SELENBP1: variants seen among roughly 807,000 people sequenced by gnomAD.
SELENBP1 encodes methanethiol oxidase.
SELENBP1 carries 71 observed loss-of-function variants against 61.0 expected under a neutral mutation model. That is an observed-to-expected ratio of 1.16 (90% CI 0.96 to 1.42). The LOEUF (loss-of-function observed/expected upper bound fraction) is 1.42, where lower values mean the gene tolerates loss of function less well. Among genes scored for constraint, SELENBP1 ranks in the 40% most tolerant of loss-of-function variants. The pLI is 0.00. For missense variants in SELENBP1, 561 were observed against 605.0 expected (o/e 0.93, Z 0.76); for synonymous variants, 270 against 238.9 (o/e 1.13, Z -1.20).
At chr1:151,365,924 G>C in intron 7 of SELENBP1, 78 bp from the exon 8 acceptor site, 1 of 1,498,736 alleles carries the variant, frequency 6.7e-7, no homozygotes, top group Non-Finnish European at 9.2e-7. Context: ...GGTTAGATCT[G>C]GGTTGCCCAG....
chr1:151,367,020 A>G (rs1651867397), intron 5 of SELENBP1, 116 bp from the exon 6 acceptor site: 8 of 1,491,446 alleles, frequency 5.4e-6, no homozygotes, highest in Non-Finnish European at 5.3e-6. Context: ...CTCTACCTCC[A>G]CTGCTGGATT....
chr1:151,366,228 C>T (rs757962847), intron 7 of SELENBP1, 47 bp downstream of exon 7: 2 of 1,586,248 alleles, frequency 1.3e-6, no homozygotes, highest in East Asian at 2.2e-5. Context: ...TTAGGTAGAG[C>T]TGCTGACAAG....
In SELENBP1 at chr1:151,367,595, G is replaced by T. The variant is rs143260983; in HGVS notation, c.481+604C>A. On this transcript the variant is annotated intron_variant, in intron 5 of 11. Transcript: ENST00000368868. ...GTCCAGCCTCCCACTTTTGGAGTGG[G>T]ATTCCTCCCAGAGTCTAAGCTCCAT... 5.2e-3 allele frequency among the ~76,000 whole-genome samples: 795 copies of T among 152,146 alleles called. 10 individuals carry two copies. Among genetic ancestry groups the T allele is most frequent in the African/African-American group, 0.018 (764 of 41,482 alleles).
chr1:151,366,980 G>A (rs529488041), intron 5 of SELENBP1, 76 bp from the exon 6 acceptor site: 2 of 1,558,418 alleles, frequency 1.3e-6, no homozygotes, highest in Admixed American at 1.8e-5. Context: ...CTCTCCCCGA[G>A]GCATGTCTAA....
chr1:151,365,027 TC>T lies in SELENBP1; in HGVS notation c.1154del (p.Gly385GlufsTer5), dbSNP rs1233895762. 1 of 1,608,996 alleles carries T rather than the reference TC, an allele frequency of 6.2e-7. No individual in the cohort carries two copies. Among genetic ancestry groups the T allele is most frequent in the African/African-American group, 1.3e-5 (1 of 74,796 alleles). On this transcript the variant is annotated frameshift_variant, in exon 11 of 12. Coordinates refer to ENST00000368868, the MANE Select transcript of SELENBP1 (RefSeq NM_003944.4). LOFTEE classifies it high-confidence loss of function. ...GGCTGAGCTGGATCATCTGAGGGCCTCCAGCCACCCGTTTTCCCTTGGGAAA... is the reference window on the plus strand; with the variant it reads ...GGCTGAGCTGGATCATCTGAGGGCCTCAGCCACCCGTTTTCCCTTGGGAAA... ...PLVVKGKRVA[G>X]GPQMIQLSLD...
At chr1:151,366,987 C>T (rs1651865672) in intron 5 of SELENBP1, 83 bp from the exon 6 acceptor site, 1 of 1,546,944 alleles carries the variant, frequency 6.5e-7, no homozygotes, top group South Asian at 1.2e-5. Context: ...CGAGGCATGT[C>T]TAAGAGGCTG....
intron 1 of SELENBP1, among the ~76,000 whole-genome samples, chr1:151,370,722 G>GC (rs1474684520): frequency 6.8e-6 from 1 of 146,762 alleles, no homozygotes; most frequent in African/African-American, 2.8e-5. Context: ...AATACCCAGA[G>GC]GGGGTGGCAG....
chr1:151,367,700 G>A (rs1247186279), intron 5 of SELENBP1, among the ~76,000 whole-genome samples: 2 of 152,188 alleles, frequency 1.3e-5, no homozygotes, highest in Non-Finnish European at 2.9e-5. Context: ...ACAGCTCATT[G>A]CAGCCTTGAC....
In SELENBP1 at chr1:151,366,446, G is replaced by A. The variant is rs1447486904; in HGVS notation, c.672C>T (p.Tyr224=). 8 of 1,613,302 alleles carry A rather than the reference G, an allele frequency of 5.0e-6. No homozygotes were observed. Among genetic ancestry groups the A allele is most frequent in the Admixed American group, 1.7e-5 (1 of 60,002 alleles). Residue 224 remains tyrosine, a synonymous_variant, in exon 7 of 12, where the codon TAC becomes TAT. Transcript: ENST00000368868. ...FNPADVEAGL[Y]GSHLYVWDWQ... is the part of the protein sequence containing the mutation. ...AGTCCCATACATATAAGTGGCTCCC[G>A]TACAGTCCTGGGGTGGGAGTGGGGC... is the stretch of plus-strand genomic sequence containing the variant.
chr1:151,371,148 C>A (rs1448676678), intron 1 of SELENBP1, among the ~76,000 whole-genome samples: 3 of 152,286 alleles, frequency 2.0e-5, no homozygotes, highest in African/African-American at 7.2e-5. Context: ...CTTTGGGAGG[C>A]TGAGGCGGAA....
chr1:151,371,951 T>A (rs758270076), intron 1 of SELENBP1, among the ~76,000 whole-genome samples: 1 of 134,846 alleles, frequency 7.4e-6, no homozygotes. Context: ...GGGTTTTCCA[T>A]GTCAGGCTGG....
chr1:151,365,328 C>T, intron 9 of SELENBP1, 47 bp from the exon 10 acceptor site: 1 of 1,568,556 alleles, frequency 6.4e-7, no homozygotes, highest in South Asian at 1.1e-5. Flanking sequence ...GTGGGAGGCG[C>T]AAACATTGCA....
chr1:151,366,702 G>T lies in SELENBP1; in HGVS notation c.664+20C>A. 6.2e-7 allele frequency: 1 copy of T among 1,609,516 alleles called. No homozygotes were observed. Among genetic ancestry groups the T allele is most frequent in the Non-Finnish European group, 8.5e-7 (1 of 1,176,554 alleles). The stretch of plus-strand genomic sequence containing the variant: ...GGATGTAGGCCCAAGGCTCCTGCTG[G>T]CACATGGGGGGATTCTCACCAGCCT... On this transcript the variant is annotated intron_variant, in intron 6 of 11. Transcript: ENST00000368868.
In SELENBP1 at chr1:151,366,477, G is replaced by A. The variant is rs533453373; in HGVS notation, c.665-24C>T. On this transcript the variant is annotated intron_variant, in intron 6 of 11. Coordinates refer to ENST00000368868, the MANE Select transcript of SELENBP1 (RefSeq NM_003944.4). ...TCCTGGGGTGGGAGTGGGGCCGGAG[G>A]ATAGGCTCAGCATCAGAGGTTGGAA... The A allele has an allele frequency of 2.5e-6, 4 of 1,605,380 alleles. No homozygotes were observed. The African/African-American group carries it at 4.0e-5, about 16-fold the overall frequency.
intron 1 of SELENBP1, among the ~76,000 whole-genome samples, chr1:151,370,854 G>A (rs1181233579): frequency 6.6e-6 from 1 of 152,224 alleles, no homozygotes; most frequent in Non-Finnish European, 1.5e-5. Flanking sequence ...AGTAGGCAGA[G>A]TGGGGCCTCC....
At chr1:151,369,374 G>A in intron 3 of SELENBP1, 68 bp downstream of exon 3, 3 of 1,485,040 alleles carry the variant, frequency 2.0e-6, no homozygotes, top group South Asian at 1.2e-5. Flanking sequence ...GCTGGGAAGG[G>A]GGGGCCCAGG....
chr1:151,369,973 C>T, intron 1 of SELENBP1: 1 of 1,477,442 alleles, frequency 6.8e-7, no homozygotes, highest in East Asian at 2.5e-5. Context: ...GCTGGAGACA[C>T]ATGACCTGAA....
In SELENBP1 at chr1:151,365,270, T is replaced by A; in HGVS notation, c.1056A>T (p.Gly352=). The change falls in exon 10 of 12, where the codon GGA becomes GGT. Residue 352 remains glycine (G), a synonymous_variant. Transcript: ENST00000368868. The stretch of plus-strand genomic sequence containing the variant: ...CAGGGCCTCCCTTAACAATGCTGCC[T>A]CCGAGGAAGAGCTAGATGGGGAGGT... ...RPRLTGQLFL[G]GSIVKGGPVQ... is the part of the protein sequence containing the mutation. 1 of 1,612,402 alleles carries A rather than the reference T, an allele frequency of 6.2e-7. No homozygotes were observed.
chr1:151,367,374 GA>G (rs1287236081), intron 5 of SELENBP1: 17 of 66,552 alleles, frequency 2.6e-4, no homozygotes, highest in Non-Finnish European at 5.5e-4. Context: ...AAAAGAAAAA[GA>G]AAAAAGAAAA....
Sources: allele counts gnomAD v4.1 joint callset (sites outside exome capture counted in the v4.1 genomes callset), GRCh38; gene constraint gnomAD v4.1.1; transcripts MANE v1.5; gene names NCBI Gene and HGNC (gene_info 2026-07-23, HGNC 2026-07-21).